The following CLOCK variants were observed in gnomAD, a reference collection of about 807,000 sequenced individuals.
CLOCK encodes the protein clock circadian regulator, also known as circadian locomoter output cycles protein kaput.
A neutral mutation model predicts 118.4 loss-of-function variants in CLOCK; 43 were observed. The observed-to-expected ratio is 0.36, with a 90% CI of 0.28 to 0.47. The LOEUF is 0.47. Ranked by LOEUF, CLOCK falls within the 20% of genes least tolerant of loss-of-function variation. The pLI is 1.00. For synonymous variants in CLOCK, 326 were observed against 339.2 expected (o/e 0.96, Z 0.43); for missense variants, 846 against 999.9 (o/e 0.85, Z 2.08).
At chr4:55,464,438 T>C (rs1009842875) in intron 8 of CLOCK, among the ~76,000 whole-genome samples, 1 of 152,214 alleles carries the variant, frequency 6.6e-6, no homozygotes, top group African/African-American at 2.4e-5. Context: ...GAATCAAAGA[T>C]GAATAAGATA....
At chr4:55,519,040 T>C (rs977593114) in intron 1 of CLOCK, among the ~76,000 whole-genome samples, 3 of 152,106 alleles carry the variant, frequency 2.0e-5, no homozygotes, top group Non-Finnish European at 4.4e-5. Flanking sequence ...ATTATTCAAG[T>C]CCTGCAATTT....
At chr4:55,444,534 G>C (rs764025222) in intron 19 of CLOCK, 99 bp downstream of exon 19, 29 of 1,378,770 alleles carry the variant, frequency 2.1e-5, no homozygotes, top group Middle Eastern at 1.8e-4. Flanking sequence ...TTGATAAAAC[G>C]TATCTCTTGC....
chr4:55,436,565 T>G lies in CLOCK; in HGVS notation c.2362-971A>C, dbSNP rs972975931. 3.9e-5 allele frequency among the ~76,000 whole-genome samples: 6 copies of G among 152,202 alleles called. No homozygotes were observed. The East Asian group carries it at 7.7e-4, about 20-fold the overall frequency. On this transcript the variant is annotated intron_variant, in intron 22 of 22. Transcript: ENST00000513440. ...AGGGTTCTTAATTTCAAAATGGAGC[T>G]GTGGTGGGCAATTTTTGCAAATGTA...
At chr4:55,463,950 A>C in intron 8 of CLOCK, 145 bp from the exon 9 acceptor site, 58 of 784,074 alleles carry the variant, frequency 7.4e-5, no homozygotes, top group Non-Finnish European at 9.4e-5. Context: ...ACCAAATCTC[A>C]AAAAATAAGA....
chr4:55,449,341 AT>A, intron 17 of CLOCK, 54 bp downstream of exon 17: 3 of 1,455,148 alleles, frequency 2.1e-6, no homozygotes, highest in Non-Finnish European at 1.9e-6. Context: ...GATTTAGATC[AT>A]TTTTCCCCTC....
At chr4:55,466,745 T>C (rs1294160923) in intron 8 of CLOCK, among the ~76,000 whole-genome samples, 1 of 152,200 alleles carries the variant, frequency 6.6e-6, no homozygotes, top group Non-Finnish European at 1.5e-5. Context: ...CATTAACCAC[T>C]ACACTTAAAA....
At chr4:55,458,529 G>A (rs951647867) in intron 11 of CLOCK, among the ~76,000 whole-genome samples, 1 of 152,066 alleles carries the variant, frequency 6.6e-6, no homozygotes, top group Non-Finnish European at 1.5e-5. Context: ...GTGGCAAAGA[G>A]CCACTTGTAC....
intron 8 of CLOCK, among the ~76,000 whole-genome samples, chr4:55,469,555 T>C (rs534446882): frequency 7.9e-5 from 12 of 152,320 alleles, no homozygotes; most frequent in African/African-American, 2.2e-4. Context: ...GACAGTGATG[T>C]TGATGATCCT....
intron 7 of CLOCK, among the ~76,000 whole-genome samples, chr4:55,472,865 C>A: frequency 6.6e-6 from 1 of 152,150 alleles, no homozygotes. Context: ...GTCATTCGAG[C>A]AAACTCATGA....
In CLOCK at chr4:55,463,343, TGTTTAATTTTCCCTTATTAAATACA is replaced by T. The variant is rs527989984; in HGVS notation, c.559+317_559+341del. 3.6e-4 allele frequency among the ~76,000 whole-genome samples: 55 copies of T among 152,228 alleles called. 1 individual carries two copies. In the East Asian group the frequency reaches 0.01, roughly 29 times the overall value. ...TGGTTAACAATGGTGAAAATTAGAATGTTTAATTTTCCCTTATTAAATACAGTAAAGTTTTATTTATAAATTAATA... is the reference window on the plus strand; with the variant it reads ...TGGTTAACAATGGTGAAAATTAGAATGTAAAGTTTTATTTATAAATTAATA... On this transcript the variant is annotated intron_variant, in intron 9 of 22. Transcript: ENST00000513440.
At chr4:55,469,424 A>G (rs550354722) in intron 8 of CLOCK, among the ~76,000 whole-genome samples, 3 of 152,160 alleles carry the variant, frequency 2.0e-5, no homozygotes, top group Non-Finnish European at 4.4e-5. Flanking sequence ...GTTAACTCTA[A>G]AACAGCCTCA....
At chr4:55,521,732 C>T (rs1247620639) in intron 1 of CLOCK, among the ~76,000 whole-genome samples, 3 of 152,206 alleles carry the variant, frequency 2.0e-5, no homozygotes, top group Non-Finnish European at 4.4e-5. Flanking sequence ...TTCCTCACCT[C>T]TGAATTCTCT....
intron 22 of CLOCK, among the ~76,000 whole-genome samples, chr4:55,436,933 G>C (rs1722927358): frequency 9.1e-6 from 1 of 109,784 alleles, no homozygotes; most frequent in Non-Finnish European, 1.9e-5. Context: ...ATTCTTTTAA[G>C]GGCCTTTGTT....
At chr4:55,517,148 T>A (rs543467078) in intron 1 of CLOCK, among the ~76,000 whole-genome samples, 19 of 152,336 alleles carry the variant, frequency 1.2e-4, no homozygotes, top group African/African-American at 4.6e-4. Flanking sequence ...ATGTGGTGGA[T>A]CACACTGATT....
chr4:55,509,465 AT>A (rs1729008433), intron 2 of CLOCK, among the ~76,000 whole-genome samples: 1 of 152,170 alleles, frequency 6.6e-6, no homozygotes, highest in South Asian at 2.1e-4. Context: ...ACCAGGCTGA[AT>A]AAATTTGGTG....
intron 1 of CLOCK, among the ~76,000 whole-genome samples, chr4:55,510,934 G>A (rs1204257032): frequency 2.6e-5 from 4 of 152,170 alleles, no homozygotes; most frequent in African/African-American, 9.7e-5. Context: ...CAGGGCTAAA[G>A]GCAGAGCCCA....
chr4:55,487,859 T>C (rs1727399305), intron 3 of CLOCK, among the ~76,000 whole-genome samples: 1 of 152,200 alleles, frequency 6.6e-6, no homozygotes, highest in Non-Finnish European at 1.5e-5. Flanking sequence ...TGCTCCCTTT[T>C]GCAGTCCCAA....
intron 13 of CLOCK, among the ~76,000 whole-genome samples, chr4:55,455,640 A>C (rs1453101680): frequency 6.6e-6 from 1 of 152,222 alleles, no homozygotes; most frequent in Non-Finnish European, 1.5e-5. Flanking sequence ...CTTACTCCAG[A>C]TATAGAGCTC....
intron 1 of CLOCK, among the ~76,000 whole-genome samples, chr4:55,532,918 T>A (rs1219291757): frequency 6.6e-6 from 1 of 151,982 alleles, no homozygotes; most frequent in Non-Finnish European, 1.5e-5. Flanking sequence ...ACCAAGGAGA[T>A]AAAAGACTTG....
Sources: gnomAD v4.1 joint callset for allele counts (sites outside exome capture counted in the v4.1 genomes callset) on GRCh38, gnomAD v4.1.1 for gene constraint, MANE v1.5 for transcripts, NCBI Gene and HGNC (gene_info 2026-07-23, HGNC 2026-07-21) for gene names.